The following FBXO16 variants were observed in gnomAD, a reference collection of about 807,000 sequenced individuals.
The protein encoded by FBXO16 is F-box protein 16.
In FBXO16, 31 loss-of-function variants were observed where a neutral mutation model predicts 41.0. The observed-to-expected ratio is 0.76, with a 90% CI of 0.57 to 1.02. The LOEUF (loss-of-function observed/expected upper bound fraction) is 1.02, where lower values mean the gene tolerates loss of function less well. Ranked by LOEUF, FBXO16 falls within the 50% of genes least tolerant of loss-of-function variation. FBXO16 has a pLI of 0.00. For synonymous variants in FBXO16, 133 were observed against 117.8 expected (o/e 1.13, Z -0.84); for missense variants, 361 against 346.2 (o/e 1.04, Z -0.34).
intron 3 of FBXO16, among the ~76,000 whole-genome samples, chr8:28,472,748 AAAAAG>A (rs935995597): frequency 6.6e-6 from 1 of 152,172 alleles, no homozygotes; most frequent in Non-Finnish European, 1.5e-5. Flanking sequence ...TCCGTCTCAA[AAAAAG>A]AAAAGAAGGC....
At chr8:28,478,962 G>A (rs1295857102) in intron 2 of FBXO16, among the ~76,000 whole-genome samples, 1 of 152,058 alleles carries the variant, frequency 6.6e-6, no homozygotes, top group African/African-American at 2.4e-5. Flanking sequence ...GTTCTCATGA[G>A]ATCTGCTTGT....
intron 3 of FBXO16, among the ~76,000 whole-genome samples, 172 bp from the exon 4 acceptor site, chr8:28,463,990 T>C (rs1231392765): frequency 6.6e-6 from 1 of 152,236 alleles, no homozygotes; most frequent in African/African-American, 2.4e-5. Flanking sequence ...TCTCTCACAT[T>C]TATATGGGAG....
At chr8:28,450,341 C>T (rs571173686) in intron 6 of FBXO16, among the ~76,000 whole-genome samples, 2 of 152,282 alleles carry the variant, frequency 1.3e-5, no homozygotes, top group Admixed American at 6.5e-5. Flanking sequence ...AAGACCTAAA[C>T]TGCAGAACTA....
At chr8:28,474,652 G>A (rs1803395029) in intron 2 of FBXO16, among the ~76,000 whole-genome samples, 1 of 152,168 alleles carries the variant, frequency 6.6e-6, no homozygotes, top group Admixed American at 6.5e-5. Flanking sequence ...GTACACATCT[G>A]TAGGATTAGA....
chr8:28,456,650 A>G (rs1053913079), intron 5 of FBXO16, 116 bp downstream of exon 5: 54 of 1,157,730 alleles, frequency 4.7e-5, no homozygotes, highest in Non-Finnish European at 6.0e-5. Context: ...AAATCATAGT[A>G]TATGTCCTTT....
Position 28,439,508 on chromosome 8 carries a change from C to T in FBXO16, c.843+7663G>A, listed in dbSNP as rs1802732484. 1.3e-5 allele frequency among the ~76,000 whole-genome samples: 2 copies of T among 152,146 alleles called. 1 individual carries two copies. The highest frequency in any genetic ancestry group is 4.1e-4 in the South Asian group (2 of 4,828). The stretch of plus-strand genomic sequence containing the variant: ...ATCCCAGCACTTTGGGAAGCTGAGG[C>T]AGGAGGATCGCTTGAGGCCGGGAGT... On this transcript the variant is annotated intron_variant, in intron 7 of 8. Coordinates refer to ENST00000380254, the MANE Select transcript of FBXO16 (RefSeq NM_172366.4).
At chr8:28,454,751 AGG>A (rs145816042) in intron 5 of FBXO16, among the ~76,000 whole-genome samples, 8,164 of 40,774 alleles carry the variant, frequency 0.2, 1,595 homozygotes, top group African/African-American at 0.5. Flanking sequence ...AAAAAAAAAA[AGG>A]ATCATTAATT....
chr8:28,458,544 CTTTTTTTTTTTTTTTTT>C (rs34617439), intron 4 of FBXO16, among the ~76,000 whole-genome samples: 2 of 87,566 alleles, frequency 2.3e-5, no homozygotes, highest in African/African-American at 4.0e-5. Flanking sequence ...TCTTCTTCTT[CTTTTTTTTTTTTTTTTT>C]TTTTTTTTGA....
chr8:28,440,247 C>T (rs546160974), intron 7 of FBXO16, among the ~76,000 whole-genome samples: 15 of 152,210 alleles, frequency 9.9e-5, no homozygotes, highest in African/African-American at 3.6e-4. Flanking sequence ...GGACTACAGG[C>T]ATGCGACACC....
rs2130096563 is a variant in FBXO16, at chr8:28,440,988, T to C, written c.843+6183A>G. On this transcript the variant is annotated intron_variant, in intron 7 of 8. Transcript: ENST00000380254. ...CTCGGAAGTTCAAAGCCCATCTCCTTGTTTTCTGTGAATTGTCCTAAGGAG... is the reference window on the plus strand; with the variant it reads ...CTCGGAAGTTCAAAGCCCATCTCCTCGTTTTCTGTGAATTGTCCTAAGGAG... Among the ~76,000 whole-genome samples the C allele has an allele frequency of 1.3e-5, 2 of 152,306 alleles. 1 individual carries two copies. The highest frequency in any genetic ancestry group is 4.1e-4 in the South Asian group (2 of 4,828).
chr8:28,460,730 CCTGA>C (rs747112054), intron 4 of FBXO16, among the ~76,000 whole-genome samples: 78 of 151,682 alleles, frequency 5.1e-4, no homozygotes, highest in Admixed American at 1.4e-3. Flanking sequence ...GCCTGGCCGA[CCTGA>C]CTAATTTTTA....
chr8:28,443,777 C>A (rs1802817534), intron 7 of FBXO16, among the ~76,000 whole-genome samples: 1 of 152,088 alleles, frequency 6.6e-6, no homozygotes, highest in Admixed American at 6.6e-5. Context: ...AAAAAGCCGG[C>A]CAAAACCCAC....
chr8:28,479,078 G>A (rs568483996), intron 2 of FBXO16, among the ~76,000 whole-genome samples: 6 of 152,232 alleles, frequency 3.9e-5, no homozygotes, highest in African/African-American at 1.4e-4. Context: ...CCTTGAGGCC[G>A]CCCCAGAAGC....
At chr8:28,460,391 G>A (rs1803112993) in intron 4 of FBXO16, among the ~76,000 whole-genome samples, 1 of 143,980 alleles carries the variant, frequency 6.9e-6, no homozygotes. Context: ...TCAAGTAGCT[G>A]GGACTCTAGG....
At chr8:28,475,337 G>A (rs1422962635) in intron 2 of FBXO16, among the ~76,000 whole-genome samples, 1 of 152,184 alleles carries the variant, frequency 6.6e-6, no homozygotes, top group African/African-American at 2.4e-5. Context: ...CTCTTGGCCA[G>A]GGAATCTCTT....
At chr8:28,458,544 C>CTTTTTTTTTTTTTTTTTT (rs34617439) in intron 4 of FBXO16, among the ~76,000 whole-genome samples, 2 of 87,566 alleles carry the variant, frequency 2.3e-5, no homozygotes, top group African/African-American at 8.0e-5. Context: ...TCTTCTTCTT[C>CTTTTTTTTTTTTTTTTTT]TTTTTTTTTT....
chr8:28,481,202 G>C (rs1222578092), intron 2 of FBXO16, among the ~76,000 whole-genome samples: 1 of 152,198 alleles, frequency 6.6e-6, no homozygotes, highest in East Asian at 1.9e-4. Context: ...TCTATTATTG[G>C]TTTCACATAA....
At chr8:28,439,575 A>G (rs1318799475) in intron 7 of FBXO16, among the ~76,000 whole-genome samples, 3 of 151,960 alleles carry the variant, frequency 2.0e-5, no homozygotes, top group Non-Finnish European at 2.9e-5. Context: ...CTGTCTCTAC[A>G]AAAAATACCC....
chr8:28,485,509 G>C (rs1342216747), intron 1 of FBXO16, among the ~76,000 whole-genome samples: 2 of 152,094 alleles, frequency 1.3e-5, no homozygotes, highest in South Asian at 4.1e-4. Context: ...ATTTTGGCTA[G>C]TATGGGATTT....
Sources: allele counts gnomAD v4.1 joint callset (sites outside exome capture counted in the v4.1 genomes callset), GRCh38; gene constraint gnomAD v4.1.1; transcripts MANE v1.5; gene names NCBI Gene and HGNC (gene_info 2026-07-23, HGNC 2026-07-21).